The following IKBIP variants were observed in gnomAD, a reference collection of about 807,000 sequenced individuals.
IKBIP encodes the protein IKBKB interacting protein, also known as inhibitor of nuclear factor kappa-B kinase-interacting protein.
In IKBIP, 28 loss-of-function variants were observed where a neutral mutation model predicts 31.0. That is an observed-to-expected ratio of 0.90 (90% confidence interval 0.67 to 1.24). The LOEUF (loss-of-function observed/expected upper bound fraction) is 1.24, where lower values mean the gene tolerates loss of function less well. Ranked by LOEUF, IKBIP falls within the 50% of genes most tolerant of loss-of-function variation. IKBIP has a pLI of 0.00. For missense variants in IKBIP, 453 were observed against 441.9 expected (o/e 1.03, Z -0.23); for synonymous variants, 164 against 160.3 (o/e 1.02, Z -0.17).
intron 1 of IKBIP, among the ~76,000 whole-genome samples, chr12:98,638,853 T>A (rs1423732140): frequency 4.0e-5 from 6 of 151,050 alleles, no homozygotes; most frequent in Non-Finnish European, 3.0e-5. Context: ...ACAATCATAG[T>A]TCACTGCAGG....
At chr12:98,643,498 A>G (rs1180569994) in intron 1 of IKBIP, among the ~76,000 whole-genome samples, 1 of 152,216 alleles carries the variant, frequency 6.6e-6, no homozygotes, top group East Asian at 1.9e-4. Flanking sequence ...GCCAGAAAAA[A>G]AAAGGCTGGG....
chr12:98,644,771 G>C lies in IKBIP; in HGVS notation c.-70C>G. 2 of 1,528,338 alleles carry C rather than the reference G, an allele frequency of 1.3e-6. No individual in the cohort carries two copies. The highest frequency in any genetic ancestry group is 1.2e-5 in the South Asian group (1 of 84,224). 94.7% of individuals were successfully genotyped at this position (1,528,338 alleles called of 1,614,324 possible). A position where few individuals can be genotyped will look rare whatever the true frequency, so the allele number is the denominator to read the frequency against. On this transcript the variant is annotated 5_prime_UTR_variant, in exon 1 of 3. Coordinates refer to ENST00000299157, the MANE Select transcript of IKBIP (RefSeq NM_153687.4). ...AGGGGGAGCAGGACGTGGCCGCCTTGGCGTTCGTGGGAACCCTGGGCGGTG... is the reference window on the plus strand; with the variant it reads ...AGGGGGAGCAGGACGTGGCCGCCTTCGCGTTCGTGGGAACCCTGGGCGGTG...
intron 2 of IKBIP, among the ~76,000 whole-genome samples, chr12:98,632,090 G>C (rs963785728): frequency 6.6e-6 from 1 of 151,904 alleles, no homozygotes; most frequent in African/African-American, 2.4e-5. Flanking sequence ...TCCTGACCTC[G>C]TGATCTGCCT....
At chr12:98,640,359 G>GGGAGGT (rs558231286) in intron 1 of IKBIP, among the ~76,000 whole-genome samples, 16 of 152,178 alleles carry the variant, frequency 1.1e-4, no homozygotes, top group East Asian at 5.8e-4. Context: ...GCTTGAACCT[G>GGGAGGT]GGAGGTGGAG....
At position 98,628,492 on chromosome 12, in the gene IKBIP, T is replaced by C. The variant is rs1214273546; in HGVS notation, c.298-1726A>G. 2.6e-5 allele frequency among the ~76,000 whole-genome samples: 4 copies of C among 152,208 alleles called. No homozygotes were observed. In the East Asian group the frequency reaches 7.7e-4, roughly 29 times the overall value. On this transcript the variant is annotated intron_variant, in intron 2 of 2. Coordinates refer to ENST00000299157, the MANE Select transcript of IKBIP (RefSeq NM_153687.4). The stretch of plus-strand genomic sequence containing the variant: ...CTATCCTCCTCTCCTCTTTATTTAG[T>C]TACATTGTCCTTACTTCAAGGCTCA...
At position 98,644,587 on chromosome 12, in the gene IKBIP, C is replaced by G. The variant is rs973109163; in HGVS notation, c.115G>C (p.Gly39Arg). The change falls in exon 1 of 3, where the codon GGC becomes CGC. Residue 39 changes from glycine (G) to arginine (R), a missense_variant. Coordinates refer to ENST00000299157, the MANE Select transcript of IKBIP (RefSeq NM_153687.4). ...AGGCACGTTCGGGGGTCTGCCCAGC[C>G]CCCGCCTCCGCTGCTCCGGGCCACG... ...TPVARSSGGG[G>R]WADPRTCLSL... 1 of 1,609,808 alleles carries G rather than the reference C, an allele frequency of 6.2e-7. No homozygotes were observed. The highest frequency in any genetic ancestry group is 2.2e-5 in the East Asian group (1 of 44,768).
chr12:98,637,435 A>G (rs2097626743), intron 1 of IKBIP, among the ~76,000 whole-genome samples: 2 of 152,142 alleles, frequency 1.3e-5, no homozygotes, highest in Non-Finnish European at 2.9e-5. Context: ...TTTGAGATGG[A>G]GTCTCACTCT....
At chr12:98,629,200 A>G (rs1324529728) in intron 2 of IKBIP, among the ~76,000 whole-genome samples, 1 of 152,230 alleles carries the variant, frequency 6.6e-6, no homozygotes, top group Non-Finnish European at 1.5e-5. Flanking sequence ...CAAGACTTAA[A>G]GAGTATGCAA....
At chr12:98,638,049 G>A (rs966598840) in intron 1 of IKBIP, among the ~76,000 whole-genome samples, 1 of 152,176 alleles carries the variant, frequency 6.6e-6, no homozygotes, top group Non-Finnish European at 1.5e-5. Context: ...GTCTGCTAAA[G>A]GGTATACCTT....
At chr12:98,613,854 T>G (rs759372699) in exon 3 of IKBIP, 34 of 1,613,050 alleles carry the variant, frequency 2.1e-5, no homozygotes, top group Non-Finnish European at 2.9e-5. Flanking sequence ...CCTTCTAAGC[T>G]TAGAAATCTA....
At position 98,624,697 on chromosome 12, in the gene IKBIP, T is replaced by G; in HGVS notation, c.*1233A>C. On this transcript the variant is annotated 3_prime_UTR_variant, in exon 3 of 3. Coordinates refer to ENST00000299157, the MANE Select transcript of IKBIP (RefSeq NM_153687.4). Reference sequence around the variant, plus strand: ...CATAAAACAAATTTAGTGGTGTGGTTTGGGAAATCTTTAAAATGACGTATT... The same window carrying G: ...CATAAAACAAATTTAGTGGTGTGGTGTGGGAAATCTTTAAAATGACGTATT... 2 of 887,358 alleles carry G rather than the reference T, an allele frequency of 2.3e-6. No individual in the cohort carries two copies. Among genetic ancestry groups the G allele is most frequent in the Non-Finnish European group, 2.7e-6 (2 of 740,612 alleles). 55.0% of individuals were successfully genotyped at this position (887,358 alleles called of 1,614,324 possible). A position where few individuals can be genotyped will look rare whatever the true frequency, so the allele number is the denominator to read the frequency against.
In IKBIP at chr12:98,633,510, C is replaced by CTTTTTT. The variant is rs71432181; in HGVS notation, c.297+780_297+785dup. Among the ~76,000 whole-genome samples, 359 of 61,402 alleles carry CTTTTTT rather than the reference C, an allele frequency of 5.8e-3. 12 individuals are homozygous for CTTTTTT. Among genetic ancestry groups the CTTTTTT allele is most frequent in the East Asian group, 0.013 (21 of 1,660 alleles). 40.3% of individuals were successfully genotyped at this position (61,402 alleles called of 152,430 possible). On this transcript the variant is annotated intron_variant, in intron 2 of 2. Coordinates refer to ENST00000299157, the MANE Select transcript of IKBIP (RefSeq NM_153687.4). ...GCTAGCCGTTCTTTTTTTTTTAATTCTTTTTTTTTTTTTTTTTTTTTTTTG... is the reference window on the plus strand; with the variant it reads ...GCTAGCCGTTCTTTTTTTTTTAATTCTTTTTTTTTTTTTTTTTTTTTTTTTTTTTTG...
chr12:98,618,550 C>T (rs950063793), intron 2 of IKBIP, among the ~76,000 whole-genome samples: 11 of 151,000 alleles, frequency 7.3e-5, no homozygotes, highest in African/African-American at 1.7e-4. Context: ...GGCGTGAACC[C>T]GGGAGGCGGA....
chr12:98,627,347 C>T (rs2097615522), intron 2 of IKBIP, among the ~76,000 whole-genome samples: 1 of 151,228 alleles, frequency 6.6e-6, no homozygotes, highest in Non-Finnish European at 1.5e-5. Flanking sequence ...GAAGCATATA[C>T]AAGAGAAAAG....
At chr12:98,643,817 C>CTTTTTTTTTTTTTTTTCCT (rs1163038325) in intron 1 of IKBIP, among the ~76,000 whole-genome samples, 1 of 136,930 alleles carries the variant, frequency 7.3e-6, no homozygotes, top group African/African-American at 2.7e-5. Flanking sequence ...ATATGGTTTT[C>CTTTTTTTTTTTTTTTTCCT]TTTTTTTTTT....
At chr12:98,616,101 C>A (rs989025177) in intron 2 of IKBIP, among the ~76,000 whole-genome samples, 1 of 150,888 alleles carries the variant, frequency 6.6e-6, no homozygotes, top group Non-Finnish European at 1.5e-5. Context: ...GCTATACTTT[C>A]CCACTCACAG....
At chr12:98,621,161 A>G (rs143862448), downstream of IKBIP, among the ~76,000 whole-genome samples, 263 of 152,256 alleles carry the variant, frequency 1.7e-3, no homozygotes, top group Non-Finnish European at 3.0e-3. Context: ...AGGCAGGAGA[A>G]TTGCTTAAAC....
At chr12:98,631,003 G>A (rs192707655) in intron 2 of IKBIP, among the ~76,000 whole-genome samples, 1 of 151,756 alleles carries the variant, frequency 6.6e-6, no homozygotes, top group East Asian at 1.9e-4. Context: ...CATGATCTCG[G>A]CTCACCACAA....
intron 1 of IKBIP, among the ~76,000 whole-genome samples, chr12:98,638,719 G>A (rs1050965360): frequency 3.3e-5 from 5 of 152,060 alleles, no homozygotes; most frequent in African/African-American, 1.2e-4. Context: ...CAAGTAGCTA[G>A]GACCACAGGT....
Sources: gnomAD v4.1 joint callset for allele counts (sites outside exome capture counted in the v4.1 genomes callset) on GRCh38, gnomAD v4.1.1 for gene constraint, MANE v1.5 for transcripts, NCBI Gene and HGNC (gene_info 2026-07-23, HGNC 2026-07-21) for gene names.